The following WWOX variants were observed in gnomAD, a reference collection of about 807,000 sequenced individuals.
WWOX encodes the protein WW domain containing oxidoreductase.
Under a neutral mutation model 46.2 loss-of-function variants are expected in WWOX, and 69 were observed. The observed-to-expected ratio is 1.49, with a 90% CI of 1.23 to 1.82. The LOEUF (loss-of-function observed/expected upper bound fraction) is 1.82. Among genes scored for constraint, WWOX ranks in the 40% most tolerant of loss-of-function variants. The pLI is 0.00. For missense variants in WWOX, 919 were observed against 542.6 expected, an observed-to-expected ratio of 1.69 and a Z score of -6.89; for synonymous variants, 359 against 202.6, an observed-to-expected ratio of 1.77 and a Z score of -6.56.
At chr16:78,287,118 G>A (rs1384058815) in intron 5 of WWOX, among the ~76,000 whole-genome samples, 4 of 152,206 alleles carry the variant, frequency 2.6e-5, no homozygotes, top group African/African-American at 7.2e-5. Flanking sequence ...AAAACAATGT[G>A]AAATTTGTAA....
chr16:78,481,503 G>A (rs897544769), intron 8 of WWOX, among the ~76,000 whole-genome samples: 2 of 152,030 alleles, frequency 1.3e-5, no homozygotes, highest in Admixed American at 6.6e-5. Flanking sequence ...CAGGATGTTC[G>A]TTTGTTTATC....
chr16:79,211,241 G>GAGA (rs1471833262), intron 8 of WWOX, among the ~76,000 whole-genome samples: 1 of 152,132 alleles, frequency 6.6e-6, no homozygotes, highest in African/African-American at 2.4e-5. Flanking sequence ...ATTATACATG[G>GAGA]AGAAGTTGAG....
rs139351599 is a variant in WWOX, at chr16:78,889,089, A to C, written c.1057-322519A>C. On this transcript the variant is annotated intron_variant, in intron 8 of 8. Transcript: ENST00000566780. ...ATGTCTCTCTTTGAATTCAACTCAG[A>C]GGTCAGCTTCACTGCCTGCCCTGTG... is the stretch of plus-strand genomic sequence containing the variant. Among the ~76,000 whole-genome samples the C allele has an allele frequency of 5.3e-3, 813 of 152,196 alleles. 5 individuals are homozygous for C. The highest frequency in any genetic ancestry group is 0.018 in the African/African-American group (768 of 41,542).
intron 8 of WWOX, chr16:79,204,479 G>A (rs2051443826): frequency 6.6e-6 from 1 of 152,234 alleles, no homozygotes; most frequent in East Asian, 1.9e-4. Flanking sequence ...GTCTCAGAAA[G>A]ATAAAATAAT....
At chr16:78,353,869 C>G (rs1432889584) in intron 5 of WWOX, among the ~76,000 whole-genome samples, 2 of 152,272 alleles carry the variant, frequency 1.3e-5, no homozygotes, top group South Asian at 2.1e-4. Flanking sequence ...GATGTGGTGC[C>G]GAGTTGTCAG....
chr16:79,112,040 C>G (rs2049426996), intron 8 of WWOX, among the ~76,000 whole-genome samples: 1 of 152,136 alleles, frequency 6.6e-6, no homozygotes, highest in African/African-American at 2.4e-5. Context: ...CCAGCCATAC[C>G]TCAATGTCCA....
chr16:78,623,450 C>T (rs186882603), intron 8 of WWOX, among the ~76,000 whole-genome samples: 13 of 152,186 alleles, frequency 8.5e-5, no homozygotes, highest in East Asian at 1.9e-4. Context: ...GAGACCAAGG[C>T]GGGCAGATCA....
At chr16:78,403,840 C>T (rs2082467563) in intron 6 of WWOX, among the ~76,000 whole-genome samples, 2 of 152,286 alleles carry the variant, frequency 1.3e-5, no homozygotes, top group African/African-American at 4.8e-5. Flanking sequence ...ATACTTTTGA[C>T]TTCTTAGCCA....
rs143465717 is a variant in WWOX at position 78,673,964 on chromosome 16, C to T, written c.1056+241212C>T. 2.0e-3 allele frequency among the ~76,000 whole-genome samples: 299 copies of T among 152,136 alleles called. 4 individuals are homozygous for T. Among genetic ancestry groups the T allele is most frequent in the Non-Finnish European group, 1.3e-3 (90 of 68,018 alleles). ...ATTACTGAGCACATAAAATCAGAAA[C>T]ATGGAAAGTACTAGCTTGGAGAAGT... On this transcript the variant is annotated intron_variant, in intron 8 of 8. Coordinates refer to ENST00000566780, the MANE Select transcript of WWOX (RefSeq NM_016373.4).
chr16:78,628,215 G>T (rs2046352634), intron 8 of WWOX, among the ~76,000 whole-genome samples: 1 of 152,204 alleles, frequency 6.6e-6, no homozygotes, highest in Non-Finnish European at 1.5e-5. Context: ...GCTACCTTGA[G>T]TGGACGGTTT....
chr16:78,214,833 A>C (rs1277483391), intron 5 of WWOX, among the ~76,000 whole-genome samples: 1 of 13,034 alleles, frequency 7.7e-5, no homozygotes, highest in African/African-American at 2.1e-3. Context: ...AAATATTACC[A>C]AAAAAAAAAA....
At chr16:78,214,445 C>T (rs1356712533) in intron 5 of WWOX, among the ~76,000 whole-genome samples, 2 of 152,176 alleles carry the variant, frequency 1.3e-5, no homozygotes, top group Non-Finnish European at 2.9e-5. Context: ...AAGTCTGCTG[C>T]TGTCAGCTCT....
chr16:78,499,084 T>C (rs926289069), intron 8 of WWOX, among the ~76,000 whole-genome samples: 1 of 152,224 alleles, frequency 6.6e-6, no homozygotes, highest in African/African-American at 2.4e-5. Context: ...AGTCAATAAT[T>C]AACTGAGTTT....
intron 8 of WWOX, among the ~76,000 whole-genome samples, chr16:78,710,770 G>T (rs1304458016): frequency 6.6e-6 from 1 of 150,702 alleles, no homozygotes. Context: ...TCATGCTACC[G>T]TGCCCAGCTA....
intron 8 of WWOX, among the ~76,000 whole-genome samples, chr16:78,782,462 C>T (rs1275840332): frequency 6.6e-6 from 1 of 152,102 alleles, no homozygotes; most frequent in Non-Finnish European, 1.5e-5. Context: ...CACAGCATTC[C>T]AACGATTCTA....
At chr16:78,844,297 T>G (rs1323129042) in intron 8 of WWOX, among the ~76,000 whole-genome samples, 1 of 152,180 alleles carries the variant, frequency 6.6e-6, no homozygotes, top group East Asian at 1.9e-4. Context: ...TAAGTGATAT[T>G]TATTTTTTCA....
At chr16:78,656,655 A>G (rs1232432195) in intron 8 of WWOX, among the ~76,000 whole-genome samples, 1 of 152,152 alleles carries the variant, frequency 6.6e-6, no homozygotes, top group South Asian at 2.1e-4. Context: ...CCCTCCTCCA[A>G]CATTGGGGAT....
At chr16:78,662,506 C>T (rs1028408222) in intron 8 of WWOX, among the ~76,000 whole-genome samples, 27 of 152,078 alleles carry the variant, frequency 1.8e-4, no homozygotes, top group South Asian at 1.0e-3. Context: ...GTGCTCATCC[C>T]GATACCACTA....
intron 8 of WWOX, among the ~76,000 whole-genome samples, chr16:78,683,395 T>A (rs186070649): frequency 6.6e-6 from 1 of 151,294 alleles, no homozygotes; most frequent in African/African-American, 2.4e-5. Context: ...AAAAAAAAAT[T>A]TAGGCGTGGT....
Sources: gnomAD v4.1 joint callset for allele counts (sites outside exome capture counted in the v4.1 genomes callset) on GRCh38, gnomAD v4.1.1 for gene constraint, MANE v1.5 for transcripts, NCBI Gene and HGNC (gene_info 2026-07-23, HGNC 2026-07-21) for gene names.